The following TMEM87B variants were observed in gnomAD, a reference collection of about 807,000 sequenced individuals.
The protein encoded by TMEM87B is transmembrane protein 87B.
In TMEM87B, 83 loss-of-function variants were observed where a neutral mutation model predicts 80.3. The observed-to-expected ratio is 1.03, with a 90% CI of 0.87 to 1.24. The LOEUF is 1.24. TMEM87B is among the 50% of genes most tolerant of loss of function. The pLI is 0.00. For missense variants in TMEM87B, 625 were observed against 674.4 expected (o/e 0.93, Z 0.81); for synonymous variants, 219 against 230.5 (o/e 0.95, Z 0.45).
chr2:112,098,778 CAGG>C, intron 14 of TMEM87B, 80 bp downstream of exon 14: 1 of 1,351,486 alleles, frequency 7.4e-7, no homozygotes, highest in Admixed American at 1.8e-5. Flanking sequence ...TTATAGAAAC[CAGG>C]AGAATAGTCG....
rs1314164830 is a variant in TMEM87B at position 112,119,127 on chromosome 2, AT to A, written c.*2987del. Reference sequence around the variant, plus strand: ...CTTCATTAAAACTAAGAAAACATTTATTTGGGGAGAAATTTTAGGCATTTAA... The same window carrying A: ...CTTCATTAAAACTAAGAAAACATTTATTGGGGAGAAATTTTAGGCATTTAA... On this transcript the variant is annotated 3_prime_UTR_variant, in exon 19 of 19. Transcript: ENST00000283206. 1 of 152,158 alleles carries A rather than the reference AT, an allele frequency of 6.6e-6. No individual in the cohort carries two copies. The highest frequency in any genetic ancestry group is 1.5e-5 in the Non-Finnish European group (1 of 68,000). 9.4% of individuals were successfully genotyped at this position (152,158 alleles called of 1,614,324 possible). A position where few individuals can be genotyped will look rare whatever the true frequency, so the allele number is the denominator to read the frequency against.
intron 5 of TMEM87B, among the ~76,000 whole-genome samples, chr2:112,076,840 TTTTGTGTGTG>T (rs1341574798): frequency 8.4e-6 from 1 of 118,412 alleles, no homozygotes; most frequent in African/African-American, 3.3e-5. Flanking sequence ...TCCTTTTCTG[TTTTGTGTGTG>T]TGTGTGTGTG....
intron 9 of TMEM87B, among the ~76,000 whole-genome samples, chr2:112,086,549 C>T (rs1158370987): frequency 6.6e-6 from 1 of 152,190 alleles, no homozygotes; most frequent in Admixed American, 6.5e-5. Context: ...GTCTTTTCCT[C>T]CTCTCACCTG....
chr2:112,103,885 G>A (rs1679696330), intron 15 of TMEM87B, among the ~76,000 whole-genome samples: 1 of 152,156 alleles, frequency 6.6e-6, no homozygotes, highest in African/African-American at 2.4e-5. Context: ...GTGTGGTATT[G>A]GCATAAGGAT....
At chr2:112,105,980 A>G in intron 15 of TMEM87B, 22 bp from the exon 16 acceptor site, 2 of 1,494,132 alleles carry the variant, frequency 1.3e-6, no homozygotes, top group South Asian at 1.3e-5. Context: ...TTTTATATAT[A>G]TGTTTATAAT....
intron 8 of TMEM87B, among the ~76,000 whole-genome samples, chr2:112,083,812 G>A (rs1158296889): frequency 1.3e-5 from 2 of 152,138 alleles, no homozygotes; most frequent in East Asian, 1.9e-4. Flanking sequence ...GTGTGACTAT[G>A]TAGACAGCAT....
At chr2:112,111,048 G>A (rs1679896305) in intron 17 of TMEM87B, among the ~76,000 whole-genome samples, 1 of 152,050 alleles carries the variant, frequency 6.6e-6, no homozygotes, top group South Asian at 2.1e-4. Flanking sequence ...TCCCTACTCT[G>A]TGTACCCATG....
intron 5 of TMEM87B, 94 bp downstream of exon 5, chr2:112,075,056 A>G: frequency 6.8e-7 from 1 of 1,464,660 alleles, no homozygotes; most frequent in South Asian, 1.3e-5. Context: ...AGAGTGATAT[A>G]AAGTAGGGTT....
In TMEM87B at chr2:112,117,814, C is replaced by G. The variant is rs1490718496; in HGVS notation, c.*1671C>G. The G allele has an allele frequency of 1.3e-5, 2 of 152,056 alleles. No homozygotes were observed. Among genetic ancestry groups the G allele is most frequent in the Admixed American group, 6.5e-5 (1 of 15,278 alleles). 9.4% of individuals were successfully genotyped at this position (152,056 alleles called of 1,614,324 possible). A position where few individuals can be genotyped will look rare whatever the true frequency, so the allele number is the denominator to read the frequency against. ...AACATTTTTATCTAATACCCCATTCCCCAAGTTTTGAGACAGATTGACCCC... is the reference window on the plus strand; with the variant it reads ...AACATTTTTATCTAATACCCCATTCGCCAAGTTTTGAGACAGATTGACCCC... On this transcript the variant is annotated 3_prime_UTR_variant, in exon 19 of 19. Coordinates refer to ENST00000283206, the MANE Select transcript of TMEM87B (RefSeq NM_032824.3).
intron 6 of TMEM87B, among the ~76,000 whole-genome samples, chr2:112,078,649 T>C (rs1678893549): frequency 6.6e-6 from 1 of 152,206 alleles, no homozygotes; most frequent in African/African-American, 2.4e-5. Context: ...TCCCAGGCAT[T>C]GTGTCTTTTC....
At chr2:112,107,972 C>G (rs1679817392) in intron 17 of TMEM87B, 132 bp downstream of exon 17, 1 of 456,240 alleles carries the variant, frequency 2.2e-6, no homozygotes, top group Non-Finnish European at 3.9e-6. Flanking sequence ...ATCACCAGTA[C>G]ATGGCCCTTA....
chr2:112,072,784 G>A (rs1678692409), intron 4 of TMEM87B, among the ~76,000 whole-genome samples: 1 of 150,500 alleles, frequency 6.6e-6, no homozygotes, highest in Non-Finnish European at 1.5e-5. Flanking sequence ...CTCTGATTTT[G>A]GTTATTTCTT....
At chr2:112,100,476 T>C (rs1224026890) in intron 14 of TMEM87B, 146 bp from the exon 15 acceptor site, 6 of 533,548 alleles carry the variant, frequency 1.1e-5, no homozygotes, top group Non-Finnish European at 2.0e-5. Context: ...TTAGCTAATT[T>C]GAAAGTAAAA....
chr2:112,075,094 A>T lies in TMEM87B; in HGVS notation c.501+132A>T, dbSNP rs765989359. On this transcript the variant is annotated intron_variant, in intron 5 of 18. Transcript: ENST00000283206. ...TAGAACTGTGGAAGGAAAAGGAAAC[A>T]TTATTTAAAACCGTATGTTTTCAGG... 4 of 1,376,510 alleles carry T rather than the reference A, an allele frequency of 2.9e-6. No homozygotes were observed. In the East Asian group the frequency reaches 1.2e-4, roughly 42 times the overall value. 85.3% of individuals were successfully genotyped at this position (1,376,510 alleles called of 1,614,324 possible).
chr2:112,064,477 C>T (rs1435551511), intron 3 of TMEM87B, among the ~76,000 whole-genome samples: 1 of 152,138 alleles, frequency 6.6e-6, no homozygotes, highest in African/African-American at 2.4e-5. Flanking sequence ...TGTTTAAATT[C>T]AGGCACGTAG....
At position 112,116,135 on chromosome 2, in the gene TMEM87B, A is replaced by T; in HGVS notation, c.1660A>T (p.Ile554Leu). The part of the protein sequence containing the change: ...MAEKMFSSEK[I>L]M ...TGAAAAAATGTTCTCTTCAGAAAAG[A>T]TAATGTGATTGGAACCCGTATAAGA... Residue 554 changes from isoleucine (I) to leucine (L), a missense_variant, in exon 19 of 19, where the codon ATA (isoleucine) becomes TTA (leucine). Coordinates refer to ENST00000283206, the MANE Select transcript of TMEM87B (RefSeq NM_032824.3). 12 of 1,612,696 alleles carry T rather than the reference A, an allele frequency of 7.4e-6. No homozygotes were observed. The highest frequency in any genetic ancestry group is 2.2e-5 in the East Asian group (1 of 44,830).
rs571659697 is a variant in TMEM87B at position 112,059,459 on chromosome 2, T to C, written c.166-518T>C. ...AAAGTAAATTTTTCAGGTTGACCAC[T>C]AATCCTGAGGGCAGGAAAGAATATC... is the stretch of plus-strand genomic sequence containing the variant. On this transcript the variant is annotated intron_variant, in intron 1 of 18. Transcript: ENST00000283206. Among the ~76,000 whole-genome samples, 4 of 152,070 alleles carry C rather than the reference T, an allele frequency of 2.6e-5. No homozygotes were observed. In the South Asian group the frequency reaches 6.2e-4, roughly 24 times the overall value.
intron 6 of TMEM87B, among the ~76,000 whole-genome samples, chr2:112,078,666 C>T (rs1678894221): frequency 1.3e-5 from 2 of 152,226 alleles, no homozygotes; most frequent in Admixed American, 1.3e-4. Context: ...TTTCCCCTGA[C>T]ACCAGCGGGC....
intron 4 of TMEM87B, among the ~76,000 whole-genome samples, chr2:112,071,410 T>C (rs1678632137): frequency 1.3e-5 from 2 of 150,856 alleles, no homozygotes; most frequent in Non-Finnish European, 2.9e-5. Flanking sequence ...CAAGCAATTC[T>C]CCTGCCTCAG....
Sources: gnomAD v4.1 joint callset for allele counts (sites outside exome capture counted in the v4.1 genomes callset) on GRCh38, gnomAD v4.1.1 for gene constraint, MANE v1.5 for transcripts, NCBI Gene and HGNC (gene_info 2026-07-23, HGNC 2026-07-21) for gene names.